Variants in RELN observed in about 807,000 individuals in gnomAD.
RELN encodes the protein reelin.
Under a neutral mutation model 427.6 loss-of-function variants are expected in RELN, and 108 were observed. That is an observed-to-expected ratio of 0.25 (90% CI 0.22 to 0.30). RELN has a LOEUF of 0.30. Ranked by LOEUF, RELN falls within the 10% of genes least tolerant of loss-of-function variation. RELN has a pLI of 1.00. For synonymous variants in RELN, 1,524 were observed against 1,513.4 expected (o/e 1.01, Z -0.16); for missense variants, 3,715 against 4,302.8 (o/e 0.86, Z 3.82).
At chr7:103,797,735 T>C (rs533503355) in intron 3 of RELN, among the ~76,000 whole-genome samples, 3 of 152,212 alleles carry the variant, frequency 2.0e-5, no homozygotes, top group Admixed American at 1.3e-4. Flanking sequence ...AATTTTCTTC[T>C]GGAAGGAGAG....
rs746061859 is a variant in RELN at position 103,723,211 on chromosome 7, T to C, written c.754-20A>G. 40 of 1,469,702 alleles carry C rather than the reference T, an allele frequency of 2.7e-5. No homozygotes were observed. Among genetic ancestry groups the C allele is most frequent in the Non-Finnish European group, 3.5e-5 (37 of 1,050,268 alleles). The allele number at this position is 1,469,702 out of a possible 1,614,324, so 91.0% of individuals were successfully genotyped here. A position where few individuals can be genotyped will look rare whatever the true frequency, so the allele number is the denominator to read the frequency against. ...GGTAATCTAAAGAAAAAAGAATACA[T>C]AAAAATAAGACAAGACAGAGAGGAG... On this transcript the variant is annotated intron_variant, in intron 7 of 64. Transcript: ENST00000428762.
intron 2 of RELN, among the ~76,000 whole-genome samples, chr7:103,888,203 T>G (rs1001410737): frequency 6.6e-6 from 1 of 151,038 alleles, no homozygotes; most frequent in East Asian, 2.0e-4. Context: ...AACTGACATC[T>G]GGACCTGAGC....
At chr7:103,945,666 A>G (rs1796205965) in intron 1 of RELN, among the ~76,000 whole-genome samples, 1 of 152,170 alleles carries the variant, frequency 6.6e-6, no homozygotes, top group South Asian at 2.1e-4. Context: ...AGCACTTACC[A>G]TACTGTAATT....
intron 3 of RELN, among the ~76,000 whole-genome samples, chr7:103,803,121 G>C (rs1792509893): frequency 6.6e-6 from 1 of 152,064 alleles, no homozygotes; most frequent in Non-Finnish European, 1.5e-5. Context: ...CCAAGAATAA[G>C]CTCCTTTCTT....
chr7:103,486,438 C>T, intron 60 of RELN, 22 bp from the exon 61 acceptor site: 1 of 1,587,198 alleles, frequency 6.3e-7, no homozygotes, highest in South Asian at 1.1e-5. Context: ...GGAGCAGTCA[C>T]AGAAATTAAG....
intron 2 of RELN, among the ~76,000 whole-genome samples, chr7:103,870,894 C>A (rs1000351941): frequency 3.9e-5 from 6 of 152,154 alleles, no homozygotes; most frequent in Non-Finnish European, 7.4e-5. Context: ...CCTAGCTCCA[C>A]AGATTCCTGC....
At chr7:103,516,432 C>T (rs1035129937) in intron 49 of RELN, among the ~76,000 whole-genome samples, 2 of 151,888 alleles carry the variant, frequency 1.3e-5, no homozygotes, top group African/African-American at 2.4e-5. Context: ...ATTACAGGCG[C>T]GCATGCCAAC....
chr7:103,743,020 G>A (rs376532777), intron 6 of RELN, among the ~76,000 whole-genome samples: 11 of 149,886 alleles, frequency 7.3e-5, no homozygotes, highest in East Asian at 5.8e-4. Flanking sequence ...GAGAAAGGTC[G>A]GGTTACCCAC....
intron 8 of RELN, among the ~76,000 whole-genome samples, chr7:103,710,124 T>G (rs1789757721): frequency 6.6e-6 from 1 of 152,238 alleles, no homozygotes; most frequent in Admixed American, 6.5e-5. Context: ...CTGATGAAGC[T>G]TCGGCTTCAT....
intron 1 of RELN, among the ~76,000 whole-genome samples, chr7:103,957,353 T>C (rs1796454369): frequency 6.6e-6 from 1 of 152,072 alleles, no homozygotes; most frequent in African/African-American, 2.4e-5. Context: ...AACAGAAAAA[T>C]AAGAGCCCTG....
At chr7:103,885,466 T>A (rs1030812512) in intron 2 of RELN, among the ~76,000 whole-genome samples, 1 of 152,080 alleles carries the variant, frequency 6.6e-6, no homozygotes, top group East Asian at 1.9e-4. Context: ...AAACCATCAG[T>A]CTCAGCAAAC....
chr7:103,957,528 T>G (rs1359750518), intron 1 of RELN, among the ~76,000 whole-genome samples: 2 of 152,146 alleles, frequency 1.3e-5, no homozygotes, highest in South Asian at 4.1e-4. Flanking sequence ...TGCCCTTTTG[T>G]GAATCGAGGC....
At chr7:103,766,233 G>A (rs1470778214) in intron 4 of RELN, among the ~76,000 whole-genome samples, 1 of 152,176 alleles carries the variant, frequency 6.6e-6, no homozygotes, top group East Asian at 1.9e-4. Context: ...AACAGGAGCT[G>A]TAACCACTAA....
chr7:103,842,939 T>A lies in RELN; in HGVS notation c.338-9267A>T, dbSNP rs547971498. Among the ~76,000 whole-genome samples the A allele has an allele frequency of 2.6e-5, 4 of 152,268 alleles. No homozygotes were observed. The South Asian group carries it at 8.3e-4, about 32-fold the overall frequency. ...CTACCATTTACTGAATGCCTCTCTG[T>A]GCCACGTTTAGAGAGGCAGGAGAGG... On this transcript the variant is annotated intron_variant, in intron 2 of 64. Transcript: ENST00000428762.
intron 40 of RELN, among the ~76,000 whole-genome samples, chr7:103,552,678 T>C (rs1330367985): frequency 6.6e-6 from 1 of 151,948 alleles, no homozygotes; most frequent in Non-Finnish European, 1.5e-5. Context: ...AATTTTTGTA[T>C]TTTTAGTGAG....
chr7:103,858,910 C>T (rs77051234), intron 2 of RELN, among the ~76,000 whole-genome samples: 2,483 of 152,258 alleles, frequency 0.016, 61 homozygotes, highest in African/African-American at 0.057. Flanking sequence ...AACTCCTGTA[C>T]ATTTTACTAT....
At chr7:103,872,030 A>ATATTTTTTT (rs773045936) in intron 2 of RELN, among the ~76,000 whole-genome samples, 169 of 138,446 alleles carry the variant, frequency 1.2e-3, no homozygotes, top group Admixed American at 3.2e-3. Context: ...ATATATATAT[A>ATATTTTTTT]TTTTTCTTTT....
intron 53 of RELN, among the ~76,000 whole-genome samples, chr7:103,500,015 C>T (rs1196605567): frequency 6.6e-6 from 1 of 152,122 alleles, no homozygotes; most frequent in African/African-American, 2.4e-5. Context: ...TTAGAACAAA[C>T]ACAAATGACA....
chr7:103,531,024 G>C (rs1829926596), intron 46 of RELN, among the ~76,000 whole-genome samples: 1 of 152,176 alleles, frequency 6.6e-6, no homozygotes, highest in African/African-American at 2.4e-5. Flanking sequence ...CTGTGACTTA[G>C]GAAAACTTCT....
Sources: allele counts gnomAD v4.1 joint callset (sites outside exome capture counted in the v4.1 genomes callset), GRCh38; gene constraint gnomAD v4.1.1; transcripts MANE v1.5; gene names NCBI Gene and HGNC (gene_info 2026-07-23, HGNC 2026-07-21).